ADTRP: variants seen among roughly 807,000 people sequenced by gnomAD.
ADTRP encodes androgen-dependent TFPI-regulating protein.
In ADTRP, 20 loss-of-function variants were observed where a neutral mutation model predicts 27.0. The observed-to-expected ratio is 0.74, with a 90% confidence interval of 0.52 to 1.08. ADTRP has a LOEUF of 1.08. Ranked by LOEUF, ADTRP falls within the 50% of genes least tolerant of loss-of-function variation. The pLI is 0.00. For missense variants in ADTRP, 251 were observed against 275.0 expected, an observed-to-expected ratio of 0.91 and a Z score of 0.62; for synonymous variants, 101 against 105.2, an observed-to-expected ratio of 0.96 and a Z score of 0.25.
intron 3 of ADTRP, chr6:11,736,658 T>G (rs1052729634): frequency 1.3e-5 from 2 of 152,508 alleles, no homozygotes; most frequent in African/African-American, 4.8e-5. Flanking sequence ...AAATCCTCTA[T>G]GTTCTTTGCA....
chr6:11,774,787 G>A (rs771294498), intron 1 of ADTRP, among the ~76,000 whole-genome samples: 34 of 152,222 alleles, frequency 2.2e-4, no homozygotes, highest in Non-Finnish European at 4.3e-4. Context: ...TGTGGCTGCT[G>A]AGCCTTGCCC....
intron 3 of ADTRP, among the ~76,000 whole-genome samples, chr6:11,747,495 GTTTTTATGAGGCTTCTC>G (rs1414170326): frequency 2.0e-5 from 3 of 152,158 alleles, no homozygotes; most frequent in Non-Finnish European, 4.4e-5. Context: ...AATCTCCTCT[GTTTTTATGAGGCTTCTC>G]TTTTTATTCT....
intron 3 of ADTRP, among the ~76,000 whole-genome samples, chr6:11,757,268 G>A (rs6927223): frequency 0.33 from 50,458 of 151,850 alleles, 10,383 homozygotes; most frequent in East Asian, 0.65. Flanking sequence ...CCTATATGAT[G>A]GCAACATCTC....
intron 3 of ADTRP, among the ~76,000 whole-genome samples, chr6:11,760,737 C>G (rs2113314154): frequency 6.6e-6 from 1 of 152,326 alleles, no homozygotes; most frequent in Middle Eastern, 3.4e-3. Context: ...ATCTAATAGG[C>G]ATCTAAAACT....
chr6:11,734,706 A>ACTCTCT (rs200988424), intron 4 of ADTRP, among the ~76,000 whole-genome samples: 1 of 149,804 alleles, frequency 6.7e-6, no homozygotes, highest in Admixed American at 6.6e-5. Context: ...TTTGGAATGC[A>ACTCTCT]CTCTCTCTCT....
chr6:11,719,164 T>C (rs1421312287), intron 5 of ADTRP, among the ~76,000 whole-genome samples: 5 of 152,112 alleles, frequency 3.3e-5, no homozygotes, highest in East Asian at 3.9e-4. Context: ...ATTATCCACA[T>C]TGGGAGGAGT....
At chr6:11,716,813 CA>C (rs1761846187) in intron 5 of ADTRP, among the ~76,000 whole-genome samples, 1 of 148,600 alleles carries the variant, frequency 6.7e-6, no homozygotes, top group Non-Finnish European at 1.5e-5. Context: ...CTCCCAGATT[CA>C]AGTGTTTCTC....
chr6:11,769,406 T>C (rs1033998605), intron 1 of ADTRP, among the ~76,000 whole-genome samples: 1 of 152,126 alleles, frequency 6.6e-6, no homozygotes, highest in Non-Finnish European at 1.5e-5. Context: ...GTCAGCCACA[T>C]GCTGCTCCTG....
In ADTRP at chr6:11,741,080, G is replaced by A. The variant is rs189363587; in HGVS notation, c.391-5397C>T. On this transcript the variant is annotated intron_variant, in intron 3 of 5. Transcript: ENST00000414691. Reference sequence around the variant, plus strand: ...CATTAAAGAGTCAACATTAAAATTCGTGGGGAGGAAGGGATTGGGGAGCGA... The same window carrying A: ...CATTAAAGAGTCAACATTAAAATTCATGGGGAGGAAGGGATTGGGGAGCGA... 2.0e-3 allele frequency among the ~76,000 whole-genome samples: 299 copies of A among 152,254 alleles called. 1 individual carries two copies. Among genetic ancestry groups the A allele is most frequent in the African/African-American group, 6.4e-3 (266 of 41,544 alleles).
intron 3 of ADTRP, among the ~76,000 whole-genome samples, chr6:11,744,912 A>AAGG (rs1762821249): frequency 6.6e-6 from 1 of 152,186 alleles, no homozygotes. Context: ...GTGTGTAAGC[A>AAGG]GCTGGTTTCC....
In ADTRP at chr6:11,724,176, C is replaced by T. The variant is rs535066635; in HGVS notation, c.507-676G>A. ...CCCTGAGAGGTATGGCCTGCTGAGA[C>T]ATTGAACCTGCTATTATGGCATTGA... On this transcript the variant is annotated intron_variant, in intron 4 of 5. Transcript: ENST00000414691. Among the ~76,000 whole-genome samples the T allele has an allele frequency of 4.6e-5, 7 of 152,266 alleles. No homozygotes were observed. In the East Asian group the frequency reaches 1.3e-3, roughly 29 times the overall value.
intron 3 of ADTRP, chr6:11,735,926 A>T: frequency 1.4e-5 from 5 of 364,620 alleles, no homozygotes; most frequent in Non-Finnish European, 2.5e-5. Context: ...GGTCCTGCTT[A>T]TTGCCCACTG....
intron 4 of ADTRP, among the ~76,000 whole-genome samples, chr6:11,730,060 A>G (rs1285354864): frequency 6.6e-6 from 1 of 152,110 alleles, no homozygotes; most frequent in African/African-American, 2.4e-5. Flanking sequence ...TGTTACAGGC[A>G]TTTTGGTTGA....
Position 11,714,351 on chromosome 6 carries a change from T to TATC in ADTRP, c.*124_*126dup, listed in dbSNP as rs1371944527. 2 of 1,062,786 alleles carry TATC rather than the reference T, an allele frequency of 1.9e-6. No homozygotes were observed. The highest frequency in any genetic ancestry group is 2.7e-6 in the Non-Finnish European group (2 of 733,246). The allele number at this position is 1,062,786 out of a possible 1,614,324, so 65.8% of individuals were successfully genotyped here. A position where few individuals can be genotyped will look rare whatever the true frequency, so the allele number is the denominator to read the frequency against. On this transcript the variant is annotated 3_prime_UTR_variant, in exon 6 of 6. Transcript: ENST00000414691. The stretch of plus-strand genomic sequence containing the variant: ...TCACGAACCTCTTATTAAATTTAAG[T>TATC]ATCACTCTCTGTCCCTCCTACTTTG...
At chr6:11,774,470 C>T (rs1196405232) in intron 1 of ADTRP, among the ~76,000 whole-genome samples, 3 of 152,144 alleles carry the variant, frequency 2.0e-5, no homozygotes, top group African/African-American at 4.8e-5. Flanking sequence ...CTCCCAGCTC[C>T]TCTGTTCCCC....
intron 3 of ADTRP, chr6:11,755,002 A>G: frequency 1.0e-6 from 1 of 980,660 alleles, no homozygotes; most frequent in Non-Finnish European, 1.2e-6. Context: ...AGTATTTCAG[A>G]GAGATTTAGG....
At position 11,735,553 on chromosome 6, in the gene ADTRP, C is replaced by A; in HGVS notation, c.506+15G>T. 1 of 1,593,472 alleles carries A rather than the reference C, an allele frequency of 6.3e-7. No individual in the cohort carries two copies. The highest frequency in any genetic ancestry group is 1.1e-5 in the South Asian group (1 of 90,010). On this transcript the variant is annotated intron_variant, in intron 4 of 5. Transcript: ENST00000414691. The stretch of plus-strand genomic sequence containing the variant: ...AACGACAAGCCTAAGTTGACTTTCT[C>A]CATGTAATTCTTACCGGCTGATGTA...
In ADTRP at chr6:11,753,309, T is replaced by G. The variant is rs181058947; in HGVS notation, c.390+12965A>C. ...TTTTAAAAATGTGAAGGGGCATTTG[T>G]GAATAGATTTGAGTTACCAGATGGT... On this transcript the variant is annotated intron_variant, in intron 3 of 5. Coordinates refer to ENST00000414691, the MANE Select transcript of ADTRP (RefSeq NM_032744.4). Among the ~76,000 whole-genome samples the G allele has an allele frequency of 3.3e-5, 5 of 152,212 alleles. No individual in the cohort carries two copies. In the East Asian group the frequency reaches 7.7e-4, roughly 23 times the overall value.
rs1207767107 is a variant in ADTRP at position 11,767,591 on chromosome 6, C to T, written c.288+658G>A. On this transcript the variant is annotated intron_variant, in intron 2 of 5. Transcript: ENST00000414691. ...AGCATGCCTGATCTCTGTTTATTTC[C>T]ATTCTAGCTAACGAATGGAAAACAT... is the stretch of plus-strand genomic sequence containing the variant. The T allele has an allele frequency of 2.0e-5, 3 of 152,190 alleles. No individual in the cohort carries two copies. In the East Asian group the frequency reaches 5.8e-4, roughly 29 times the overall value. 9.4% of individuals were successfully genotyped at this position (152,190 alleles called of 1,614,324 possible).
Sources: allele counts gnomAD v4.1 joint callset (sites outside exome capture counted in the v4.1 genomes callset), GRCh38; gene constraint gnomAD v4.1.1; transcripts MANE v1.5; gene names NCBI Gene and HGNC (gene_info 2026-07-23, HGNC 2026-07-21).